The following ATP11C variants were observed in gnomAD, a reference collection of about 807,000 sequenced individuals.
The protein encoded by ATP11C is ATPase phospholipid transporting 11C (ATP11C blood group).
Under a neutral mutation model 97.4 loss-of-function variants are expected in ATP11C, and 36 were observed. The ratio of observed to expected loss-of-function variants is 0.37; its 90% CI spans 0.28 to 0.49. The LOEUF is 0.49. Among genes scored for constraint, ATP11C ranks in the 20% least tolerant of loss-of-function variants. The pLI is 0.98. For missense variants in ATP11C, 730 were observed against 824.6 expected (o/e 0.89, Z 1.40); for synonymous variants, 275 against 290.9 (o/e 0.95, Z 0.56).
At chrX:139,893,005 T>C (rs1051018310) in intron 1 of ATP11C, among the ~76,000 whole-genome samples, 2 of 111,829 alleles carry the variant, frequency 1.8e-5, no homozygotes, top group African/African-American at 6.5e-5. Context: ...AAGAGGAATA[T>C]GGAATCCAGT....
intron 1 of ATP11C, among the ~76,000 whole-genome samples, chrX:139,857,139 T>A (rs773521002): frequency 1.8e-5 from 2 of 111,556 alleles, no homozygotes; most frequent in Non-Finnish European, 3.8e-5. Context: ...TCTTGTCGGG[T>A]GCTGTGTCAT....
At position 139,870,026 on chromosome X, in the gene ATP11C, C is replaced by T. The variant is rs2084348972; in HGVS notation, c.28-43203G>A. Among the ~76,000 whole-genome samples the T allele has an allele frequency of 4.6e-5, 5 of 109,376 alleles. No individual in the cohort carries two copies. The Admixed American group carries it at 4.9e-4, about 11-fold the overall frequency. 95.0% of individuals were successfully genotyped at this position (109,376 alleles called of 115,157 possible). A position where few individuals can be genotyped will look rare whatever the true frequency, so the allele number is the denominator to read the frequency against. On this transcript the variant is annotated intron_variant, in intron 1 of 29. Coordinates refer to ENST00000682941, the MANE Select transcript of ATP11C (RefSeq NM_001353812.2). ...ATGAAATAAGCCAGTCACAGAAAAA[C>T]AAATAACTGTATGATCCCACTTCAT...
intron 23 of ATP11C, 82 bp downstream of exon 23, chrX:139,757,726 A>G: frequency 1.5e-6 from 1 of 663,335 alleles, no homozygotes; most frequent in Non-Finnish European, 2.2e-6. Flanking sequence ...TACATCTCTA[A>G]TCTCTAGAAA....
intron 2 of ATP11C, among the ~76,000 whole-genome samples, chrX:139,821,153 C>T (rs1281822557): frequency 1.8e-5 from 2 of 112,075 alleles, no homozygotes; most frequent in Non-Finnish European, 3.8e-5. Flanking sequence ...GAGGCAAGTA[C>T]ATTCAGTAGA....
chrX:139,742,875 AAATATATATATATATAT>A (rs1463171268), intron 26 of ATP11C, among the ~76,000 whole-genome samples: 270 of 25,964 alleles, frequency 0.01, 3 homozygotes, highest in South Asian at 0.071. Flanking sequence ...AAAAAAAAAA[AAATATATATATATATAT>A]ATATATATAT....
chrX:139,813,317 T>C, intron 5 of ATP11C, among the ~76,000 whole-genome samples: 1 of 112,141 alleles, frequency 8.9e-6, no homozygotes, highest in African/African-American at 3.2e-5. Flanking sequence ...CTCCCATTCA[T>C]TGTTGGTGAG....
chrX:139,809,233 C>T (rs1296977434), intron 5 of ATP11C, among the ~76,000 whole-genome samples: 1 of 111,873 alleles, frequency 8.9e-6, no homozygotes, highest in Non-Finnish European at 1.9e-5. Flanking sequence ...TTCACAGCAG[C>T]ATTAATCAAA....
Position 139,750,031 on chromosome X carries a change from A to G in ATP11C, c.2822T>C (p.Leu941Ser). The G allele has an allele frequency of 8.3e-7, 1 of 1,202,495 alleles. No individual in the cohort carries two copies. The highest frequency in any genetic ancestry group is 1.1e-6 in the Non-Finnish European group (1 of 889,135). Residue 941 changes from leucine to serine, a missense_variant, in exon 24 of 30, where the codon TTG becomes TCG. Leu to Ser is a moderately radical substitution (Grantham distance 145). Coordinates refer to ENST00000682941, the MANE Select transcript of ATP11C (RefSeq NM_001353812.2). ...NIDTLTSDPR[L>S]YMKISGNAML... ...AACTATATATTTAACTTACATATAC[A>G]ATCGGGGATCTGAGGTCAGAGTGTC... is the stretch of plus-strand genomic sequence containing the variant.
chrX:139,860,753 G>A (rs1438183957), intron 1 of ATP11C, among the ~76,000 whole-genome samples: 1 of 112,141 alleles, frequency 8.9e-6, no homozygotes, highest in Non-Finnish European at 1.9e-5. Flanking sequence ...GGGAGGCAGA[G>A]GTTGCAGTGA....
chrX:139,743,032 G>A (rs992018668), intron 26 of ATP11C, among the ~76,000 whole-genome samples: 3 of 107,829 alleles, frequency 2.8e-5, no homozygotes, highest in Non-Finnish European at 5.8e-5. Context: ...CACCAACCTG[G>A]CCATCAGTGA....
At chrX:139,864,154 A>ATCCT (rs757808120) in intron 1 of ATP11C, among the ~76,000 whole-genome samples, 3 of 112,182 alleles carry the variant, frequency 2.7e-5, no homozygotes, top group Non-Finnish European at 5.6e-5. Flanking sequence ...CATATTAAGG[A>ATCCT]TCCTTCACAC....
At chrX:139,922,780 TTTTA>T (rs1479031876) in intron 1 of ATP11C, among the ~76,000 whole-genome samples, 1 of 111,250 alleles carries the variant, frequency 9.0e-6, no homozygotes, top group Non-Finnish European at 1.9e-5. Context: ...ATGTTATACT[TTTTA>T]TTTGTTTTGT....
In ATP11C at chrX:139,907,794, G is replaced by C. The variant is rs145071414; in HGVS notation, c.27+24222C>G. Among the ~76,000 whole-genome samples the C allele has an allele frequency of 5.6e-3, 616 of 110,007 alleles. 3 individuals carry two copies. Among genetic ancestry groups the C allele is most frequent in the Non-Finnish European group, 8.8e-3 (465 of 52,762 alleles). ...GAAAAGAGACTGCTTACCTTCTCTG[G>C]GTTGTTACACGCCAGAGAACCAAAC... On this transcript the variant is annotated intron_variant, in intron 1 of 29. Transcript: ENST00000682941.
intron 1 of ATP11C, among the ~76,000 whole-genome samples, chrX:139,858,418 T>G (rs924650786): frequency 1.8e-5 from 2 of 111,740 alleles, no homozygotes; most frequent in Admixed American, 9.6e-5. Flanking sequence ...TTCTCTAGAT[T>G]TGGCTCTCAG....
intron 1 of ATP11C, among the ~76,000 whole-genome samples, chrX:139,835,091 T>C (rs2083726812): frequency 8.9e-6 from 1 of 112,018 alleles, no homozygotes; most frequent in African/African-American, 3.2e-5. Flanking sequence ...AAAAAACACA[T>C]GGTATTCACA....
intron 1 of ATP11C, among the ~76,000 whole-genome samples, chrX:139,918,675 CAAAAAAAAAA>C (rs59502861): frequency 2.4e-4 from 10 of 41,061 alleles, no homozygotes; most frequent in African/African-American, 8.7e-4. Flanking sequence ...AACCCCATTT[CAAAAAAAAAA>C]AAAAAAAAAA....
At chrX:139,836,116 C>CA (rs1257581951) in intron 1 of ATP11C, among the ~76,000 whole-genome samples, 19 of 84,440 alleles carry the variant, frequency 2.3e-4, no homozygotes, top group Admixed American at 6.8e-4. Context: ...TCCCCTAAAA[C>CA]AAAAAAAAAG....
chrX:139,746,027 T>C (rs1320068677), intron 24 of ATP11C, among the ~76,000 whole-genome samples, 170 bp from the exon 25 acceptor site: 1 of 112,060 alleles, frequency 8.9e-6, no homozygotes, highest in Non-Finnish European at 1.9e-5. Context: ...CTGACCTTCA[T>C]GCAATCATCT....
chrX:139,879,773 T>C (rs1008917608), intron 1 of ATP11C, among the ~76,000 whole-genome samples: 2 of 112,136 alleles, frequency 1.8e-5, no homozygotes, highest in Admixed American at 9.5e-5. Flanking sequence ...CTCTAGACTT[T>C]GGCATAGAGG....
Sources: allele counts gnomAD v4.1 joint callset (sites outside exome capture counted in the v4.1 genomes callset), GRCh38; gene constraint gnomAD v4.1.1; transcripts MANE v1.5; gene names NCBI Gene and HGNC (gene_info 2026-07-23, HGNC 2026-07-21).